The following CAMKMT variants were observed in gnomAD, a reference collection of about 807,000 sequenced individuals.
CAMKMT encodes calmodulin-lysine N-methyltransferase.
In CAMKMT, 53 loss-of-function variants were observed where a neutral mutation model predicts 48.0. That is an observed-to-expected ratio of 1.10 (90% CI 0.89 to 1.39). The LOEUF (loss-of-function observed/expected upper bound fraction) is 1.39, where lower values mean the gene tolerates loss of function less well. Ranked by LOEUF, CAMKMT falls within the 40% of genes most tolerant of loss-of-function variation. The probability of loss-of-function intolerance (pLI) is 0.00; values close to 1 mark genes in which losing one functional copy is unlikely to be tolerated. For synonymous variants in CAMKMT, 165 were observed against 152.3 expected, an observed-to-expected ratio of 1.08 and a Z score of -0.61; for missense variants, 428 against 402.7, an observed-to-expected ratio of 1.06 and a Z score of -0.54.
intron 3 of CAMKMT, among the ~76,000 whole-genome samples, chr2:44,398,443 C>T (rs1052725305): frequency 4.1e-4 from 63 of 152,030 alleles, no homozygotes; most frequent in African/African-American, 1.3e-3. Flanking sequence ...AGGTAGTTGA[C>T]AATCTAATGG....
intron 3 of CAMKMT, among the ~76,000 whole-genome samples, chr2:44,407,684 G>A (rs1156920566): frequency 6.6e-6 from 1 of 152,136 alleles, no homozygotes; most frequent in Non-Finnish European, 1.5e-5. Context: ...AGAAGATATG[G>A]GTTGAGCCAT....
rs1674198743 is a variant in CAMKMT at position 44,653,421 on chromosome 2, G to C, written c.377-50862G>C. 6.6e-6 allele frequency among the ~76,000 whole-genome samples: 1 copy of C among 152,172 alleles called. No homozygotes were observed. Among genetic ancestry groups the C allele is most frequent in the African/African-American group, 2.4e-5 (1 of 41,442 alleles). On this transcript the variant is annotated intron_variant, in intron 3 of 10. Transcript: ENST00000378494. The surrounding 1 kb of genome is among the most constrained non-coding windows in gnomAD (Gnocchi z 5.2). ...AAGAGAATCGCAGACTTTTAGAATT[G>C]GAAGGAACATTAGATATAGTTTTAT...
chr2:44,492,602 G>A (rs974167777), intron 3 of CAMKMT, among the ~76,000 whole-genome samples: 2 of 152,122 alleles, frequency 1.3e-5, no homozygotes, highest in African/African-American at 4.8e-5. Context: ...CATCTTTGAC[G>A]AATCTTTCTT....
chr2:44,733,946 A>G (rs184040111), intron 7 of CAMKMT, among the ~76,000 whole-genome samples: 2 of 152,220 alleles, frequency 1.3e-5, no homozygotes, highest in East Asian at 3.9e-4. Context: ...GGTGATTTAT[A>G]TCTTCTCCCT....
At chr2:44,474,337 C>T (rs1199216550) in intron 3 of CAMKMT, among the ~76,000 whole-genome samples, 1 of 151,370 alleles carries the variant, frequency 6.6e-6, no homozygotes, top group Non-Finnish European at 1.5e-5. Context: ...ATACCAGCTA[C>T]TCGGGAGGCT....
At chr2:44,614,421 G>A (rs990758514) in intron 3 of CAMKMT, among the ~76,000 whole-genome samples, 4 of 152,126 alleles carry the variant, frequency 2.6e-5, no homozygotes, top group Non-Finnish European at 5.9e-5. Context: ...CATATTTGTC[G>A]AAGGCACATA....
At chr2:44,392,820 C>A (rs1681477188) in intron 3 of CAMKMT, among the ~76,000 whole-genome samples, 1 of 151,816 alleles carries the variant, frequency 6.6e-6, no homozygotes, top group African/African-American at 2.4e-5. Context: ...AGTGAAAGTT[C>A]CATACAAGAG....
intron 3 of CAMKMT, among the ~76,000 whole-genome samples, chr2:44,412,493 G>A (rs887834040): frequency 3.9e-5 from 6 of 151,904 alleles, no homozygotes; most frequent in Admixed American, 1.3e-4. Flanking sequence ...CTGCCACCAC[G>A]CCCAGCTAAT....
intron 7 of CAMKMT, among the ~76,000 whole-genome samples, chr2:44,722,404 T>C (rs1030346440): frequency 1.3e-5 from 2 of 152,130 alleles, no homozygotes; most frequent in African/African-American, 4.8e-5. Context: ...ATCAGTAAAA[T>C]TGGTCCAGAA....
rs571991555 is a variant in CAMKMT, at chr2:44,489,109, C to T, written c.376+98804C>T. Reference sequence around the variant, plus strand: ...TTCAAACTTCTGGTCTCAGGCAATCCTCCTCCTGCCTCAGCCTCCCAAAGT... The same window carrying T: ...TTCAAACTTCTGGTCTCAGGCAATCTTCCTCCTGCCTCAGCCTCCCAAAGT... On this transcript the variant is annotated intron_variant, in intron 3 of 10. Coordinates refer to ENST00000378494, the MANE Select transcript of CAMKMT (RefSeq NM_024766.5). Among the ~76,000 whole-genome samples the T allele has an allele frequency of 5.3e-4, 81 of 152,074 alleles. 1 individual carries two copies. The highest frequency in any genetic ancestry group is 9.6e-4 in the Non-Finnish European group (65 of 67,964).
chr2:44,520,348 G>T (rs1483732181), intron 3 of CAMKMT, among the ~76,000 whole-genome samples: 1 of 152,050 alleles, frequency 6.6e-6, no homozygotes, highest in African/African-American at 2.4e-5. Context: ...ATCTATCTCA[G>T]CCTCCCGATC....
At chr2:44,747,927 C>T (rs1271147504) in intron 8 of CAMKMT, among the ~76,000 whole-genome samples, 4 of 152,014 alleles carry the variant, frequency 2.6e-5, no homozygotes. Context: ...AACTAGACTG[C>T]CAATGTATTT....
chr2:44,522,420 A>C (rs1342479828), intron 3 of CAMKMT, among the ~76,000 whole-genome samples: 1 of 152,152 alleles, frequency 6.6e-6, no homozygotes, highest in Non-Finnish European at 1.5e-5. Context: ...CAAAAGCCAC[A>C]CTCACTAATA....
chr2:44,634,756 C>G (rs1441907145), intron 3 of CAMKMT, among the ~76,000 whole-genome samples: 1 of 123,244 alleles, frequency 8.1e-6, no homozygotes, highest in Non-Finnish European at 1.6e-5. Flanking sequence ...ATTTATGAAG[C>G]AACTAGTCTG....
chr2:44,696,386 C>T (rs770217933), intron 3 of CAMKMT, among the ~76,000 whole-genome samples: 5 of 152,096 alleles, frequency 3.3e-5, no homozygotes, highest in Non-Finnish European at 7.4e-5. Context: ...TAATCCCCCA[C>T]AAATATTGAG....
intron 3 of CAMKMT, among the ~76,000 whole-genome samples, chr2:44,569,628 G>A (rs1668800759): frequency 6.6e-6 from 1 of 152,014 alleles, no homozygotes; most frequent in Non-Finnish European, 1.5e-5. Flanking sequence ...TCTCTTTGTG[G>A]AGGTAGTAGC....
At chr2:44,582,439 C>T (rs1425285244) in intron 3 of CAMKMT, among the ~76,000 whole-genome samples, 1 of 152,184 alleles carries the variant, frequency 6.6e-6, no homozygotes, top group Admixed American at 6.5e-5. Context: ...TAAATGCACT[C>T]AGTTGTGCCT....
At chr2:44,726,306 T>C (rs1291875916) in intron 7 of CAMKMT, among the ~76,000 whole-genome samples, 1 of 152,210 alleles carries the variant, frequency 6.6e-6, no homozygotes, top group East Asian at 1.9e-4. Context: ...ATCTTGACCT[T>C]TTAAGAATAG....
chr2:44,671,571 A>G (rs1675328179), intron 3 of CAMKMT, among the ~76,000 whole-genome samples: 1 of 151,996 alleles, frequency 6.6e-6, no homozygotes, highest in South Asian at 2.1e-4. Flanking sequence ...GTGGCTCTCC[A>G]CCCTCACCCC....
Sources: allele counts gnomAD v4.1 joint callset (sites outside exome capture counted in the v4.1 genomes callset), GRCh38; gene constraint gnomAD v4.1.1; non-coding constraint Gnocchi (gnomAD v3.1); transcripts MANE v1.5; gene names NCBI Gene and HGNC (gene_info 2026-07-23, HGNC 2026-07-21).